Variants in LILRA2 observed in about 807,000 individuals in gnomAD.
LILRA2 encodes leukocyte immunoglobulin-like receptor subfamily A member 2.
In LILRA2, 45 loss-of-function variants were observed where a neutral mutation model predicts 47.9. The ratio of observed to expected loss-of-function variants is 0.94; its 90% confidence interval spans 0.74 to 1.20. The LOEUF is 1.20. Among genes scored for constraint, LILRA2 ranks in the 50% most tolerant of loss-of-function variants. The pLI, the probability that LILRA2 is intolerant of heterozygous loss-of-function variation, is 0.00. For synonymous variants in LILRA2, 279 were observed against 249.2 expected (o/e 1.12, Z -1.13); for missense variants, 651 against 598.2 (o/e 1.09, Z -0.92).
rs2062898522 is a variant in LILRA2 at position 54,589,933 on chromosome 19, G to A, written c.*2587G>A. The A allele has an allele frequency of 1.3e-5, 2 of 152,136 alleles. No individual in the cohort carries two copies. The highest frequency in any genetic ancestry group is 4.1e-4 in the South Asian group (2 of 4,834). 9.4% of individuals were successfully genotyped at this position (152,136 alleles called of 1,614,324 possible). A position where few individuals can be genotyped will look rare whatever the true frequency, so the allele number is the denominator to read the frequency against. On this transcript the variant is annotated 3_prime_UTR_variant, in exon 8 of 8. Transcript: ENST00000391738. ...GTCCTGGGAAACTCAGTCCCAATGT[G>A]CTTGTCATTCATTTGAGAATAATTT...
rs753274585 is a variant in LILRA2, at chr19:54,574,338, C to G, written c.108C>G (p.Gly36=). 4 of 1,614,252 alleles carry G rather than the reference C, an allele frequency of 2.5e-6. No individual in the cohort carries two copies. Among genetic ancestry groups the G allele is most frequent in the Non-Finnish European group, 3.4e-6 (4 of 1,180,032 alleles). Residue 36 remains glycine (G), a synonymous_variant, in exon 3 of 8, where the codon GGC becomes GGG. Transcript: ENST00000391738. ...AGCCCACCCTCTGGGCTGAGCCAGG[C>G]TCTGTGATCATCCAGGGAAGTCCTG... The part of the protein sequence containing the change: ...LPKPTLWAEP[G]SVIIQGSPVT...
intron 6 of LILRA2, among the ~76,000 whole-genome samples, chr19:54,582,639 C>G (rs965872830): frequency 6.6e-6 from 1 of 151,972 alleles, no homozygotes; most frequent in East Asian, 1.9e-4. Context: ...TATCATTTTT[C>G]ATTGCATCTA....
rs150842279 is a variant in LILRA2 at position 54,587,305 on chromosome 19, C to G, written c.1411C>G (p.Gln471Glu). Residue 471 changes from glutamine (Q) to glutamate (E), a missense_variant, in exon 8 of 8, where the codon CAG becomes GAG. Physicochemically the swap from Gln to Glu is conservative, Grantham distance 29. Coordinates refer to ENST00000391738, the MANE Select transcript of LILRA2 (RefSeq NM_001130917.3). ...CCTCGGGATTCTGCTATTTGAGGCT[C>G]AGCACAGCCAGAGAAGCCTACAAGA... ...VVLGILLFEAQHSQRSLQDAA... is the reference protein window; with the variant it reads ...VVLGILLFEAEHSQRSLQDAA... 2 of 1,614,128 alleles carry G rather than the reference C, an allele frequency of 1.2e-6. No individual in the cohort carries two copies. The highest frequency in any genetic ancestry group is 1.7e-6 in the Non-Finnish European group (2 of 1,180,040).
intron 6 of LILRA2, among the ~76,000 whole-genome samples, chr19:54,583,290 G>C (rs992127634): frequency 1.3e-5 from 2 of 152,110 alleles, no homozygotes; most frequent in African/African-American, 4.8e-5. Context: ...ATGTCTATTA[G>C]GTCTGCTTGG....
chr19:54,585,701 G>A (rs575632656), intron 6 of LILRA2, among the ~76,000 whole-genome samples: 9 of 152,246 alleles, frequency 5.9e-5, no homozygotes, highest in East Asian at 3.9e-4. Context: ...AGTCTGTCAC[G>A]GCTTCCCTTG....
chr19:54,579,635 A>G (rs2062582435), intron 6 of LILRA2, among the ~76,000 whole-genome samples: 1 of 152,078 alleles, frequency 6.6e-6, no homozygotes, highest in South Asian at 2.1e-4. Flanking sequence ...GTTTTTTCCA[A>G]TTATGTGAAG....
At chr19:54,576,990 A>T (rs1198506165) in intron 6 of LILRA2, among the ~76,000 whole-genome samples, 1 of 151,760 alleles carries the variant, frequency 6.6e-6, no homozygotes, top group Admixed American at 6.6e-5. Context: ...GGCTCATCCT[A>T]GACCTGCTCC....
intron 6 of LILRA2, among the ~76,000 whole-genome samples, chr19:54,586,071 A>G (rs1341284695): frequency 2.0e-5 from 3 of 152,200 alleles, no homozygotes; most frequent in Admixed American, 6.5e-5. Flanking sequence ...ATACATGGAA[A>G]TTTTATTTCT....
intron 6 of LILRA2, among the ~76,000 whole-genome samples, chr19:54,582,136 T>C (rs1175499537): frequency 6.6e-6 from 1 of 152,210 alleles, no homozygotes; most frequent in Non-Finnish European, 1.5e-5. Flanking sequence ...GACTTGGTCA[T>C]GGTGGGTAAG....
chr19:54,576,210 G>T, intron 6 of LILRA2, 101 bp downstream of exon 6: 1 of 1,544,416 alleles, frequency 6.5e-7, no homozygotes, highest in Non-Finnish European at 8.9e-7. Flanking sequence ...AGTGAAGCGG[G>T]AGGGTCCACA....
Position 54,575,772 on chromosome 19 carries a change from T to G in LILRA2, c.953-35T>G, listed in dbSNP as rs780461860. The G allele has an allele frequency of 2.5e-6, 4 of 1,610,190 alleles. No homozygotes were observed. The East Asian group carries it at 6.7e-5, about 27-fold the overall frequency. On this transcript the variant is annotated intron_variant, in intron 5 of 7. Transcript: ENST00000391738. The stretch of plus-strand genomic sequence containing the variant: ...GGGGAGGTCTCAGCTCAGAACAAGG[T>G]GGGGCAGCCCCTCACCCATCCTTCT...
chr19:54,580,449 G>T (rs556091227), intron 6 of LILRA2, among the ~76,000 whole-genome samples: 1,343 of 47,356 alleles, frequency 0.028, 27 homozygotes, highest in Non-Finnish European at 0.041. Flanking sequence ...AGAATATGCG[G>T]TGTTTGGTTT....
rs750317200 is a variant in LILRA2 at position 54,574,437 on chromosome 19, G to C, written c.207G>C (p.Trp69Cys). 2.5e-6 allele frequency: 4 copies of C among 1,613,978 alleles called. No individual in the cohort carries two copies. In the South Asian group the frequency reaches 4.4e-5, roughly 18 times the overall value. ...ATAGGGAAAACAAATCAGCATCCTG[G>C]GTTAGACGGATACAAGAGCCTGGGA... ...HLYRENKSAS[W>C]VRRIQEPGKN... is the part of the protein sequence containing the mutation. Residue 69 changes from tryptophan to cysteine, a missense_variant, in exon 3 of 8, where the codon TGG becomes TGC. Trp to Cys is a radical substitution (Grantham distance 215, BLOSUM62 -2). Transcript: ENST00000391738.
intron 6 of LILRA2, among the ~76,000 whole-genome samples, chr19:54,582,057 G>A (rs986272445): frequency 2.6e-5 from 4 of 152,266 alleles, no homozygotes; most frequent in African/African-American, 9.6e-5. Flanking sequence ...CATTGGTTCT[G>A]TTTATGTGAT....
chr19:54,574,139 CCCT>C (rs777489237), intron 2 of LILRA2, 28 bp downstream of exon 2: 11 of 1,614,056 alleles, frequency 6.8e-6, no homozygotes, highest in South Asian at 2.2e-5. Context: ...TGTCCCAGGT[CCCT>C]CCTCCTCACT....
chr19:54,581,893 A>G (rs376433473), intron 6 of LILRA2, among the ~76,000 whole-genome samples: 1 of 152,142 alleles, frequency 6.6e-6, no homozygotes, highest in Non-Finnish European at 1.5e-5. Context: ...CCCATTCAGT[A>G]TGATATTGGC....
In LILRA2 at chr19:54,575,945, C is replaced by T. The variant is rs373617198; in HGVS notation, c.1091C>T (p.Pro364Leu). The T allele has an allele frequency of 2.2e-5, 36 of 1,613,872 alleles. No individual in the cohort carries two copies. Among genetic ancestry groups the T allele is most frequent in the African/African-American group, 1.1e-4 (8 of 74,824 alleles). The change falls in exon 6 of 8, where the codon CCA (proline) becomes CTA (leucine). Residue 364 changes from proline to leucine, a missense_variant. Physicochemically the swap from Pro to Leu is moderately conservative, Grantham distance 98. Transcript: ENST00000391738. ...LLTKEGAGHP[P>L]LHLRSEHQAQ... ...ACCAAGGAGGGGGCAGGCCATCCCC[C>T]ACTGCATCTGAGATCAGAGCACCAA...
rs766250499 is a variant in LILRA2 at position 54,575,199 on chromosome 19, G to C, written c.656-57G>C. Reference sequence around the variant, plus strand: ...CAGGAAGATCAGCGGGGGAGAGGGAGGGTTTGTGGGGAAGCCTGAGGGTCG... The same window carrying C: ...CAGGAAGATCAGCGGGGGAGAGGGACGGTTTGTGGGGAAGCCTGAGGGTCG... On this transcript the variant is annotated intron_variant, in intron 4 of 7. Transcript: ENST00000391738. 2.6e-6 allele frequency: 4 copies of C among 1,554,148 alleles called. No individual in the cohort carries two copies. In the East Asian group the frequency reaches 9.0e-5, roughly 35 times the overall value.
chr19:54,573,964 A>G (rs776296481), intron 1 of LILRA2, 52 bp downstream of exon 1: 6 of 1,613,242 alleles, frequency 3.7e-6, no homozygotes, highest in East Asian at 2.2e-5. Flanking sequence ...ACCTCACCCC[A>G]CAGCCAAACT....
Sources: allele counts gnomAD v4.1 joint callset (sites outside exome capture counted in the v4.1 genomes callset), GRCh38; gene constraint gnomAD v4.1.1; transcripts MANE v1.5; gene names NCBI Gene and HGNC (gene_info 2026-07-23, HGNC 2026-07-21).